The following DIS3L2 variants were observed in gnomAD, a reference collection of about 807,000 sequenced individuals.
DIS3L2 encodes DIS3 like 3'-5' exoribonuclease 2, also known as DIS3-like exonuclease 2.
In DIS3L2, 34 loss-of-function variants were observed where a neutral mutation model predicts 97.5. The ratio of observed to expected loss-of-function variants is 0.35; its 90% confidence interval spans 0.27 to 0.46. DIS3L2 has a LOEUF of 0.46. DIS3L2 is among the 20% of genes least tolerant of loss of function. The pLI is 1.00. For missense variants in DIS3L2, 1,038 were observed against 1,146.0 expected (o/e 0.91, Z 1.36); for synonymous variants, 435 against 445.2 (o/e 0.98, Z 0.29).
chr2:232,302,856 G>A (rs988990531), intron 14 of DIS3L2, among the ~76,000 whole-genome samples: 14 of 151,688 alleles, frequency 9.2e-5, no homozygotes, highest in African/African-American at 3.1e-4. Flanking sequence ...CACCACGCCC[G>A]GCCTGAGCCT....
intron 1 of DIS3L2, among the ~76,000 whole-genome samples, chr2:231,990,138 A>G (rs1693541808): frequency 6.6e-6 from 1 of 151,898 alleles, no homozygotes; most frequent in African/African-American, 2.4e-5. Flanking sequence ...CCAAGTGTGA[A>G]TTCTGACACC....
rs536577024 is a variant in DIS3L2 at position 232,268,602 on chromosome 2, T to G, written c.1659+5162T>G. Among the ~76,000 whole-genome samples, 2 of 152,336 alleles carry G rather than the reference T, an allele frequency of 1.3e-5. 1 individual carries two copies. Among genetic ancestry groups the G allele is most frequent in the South Asian group, 4.1e-4 (2 of 4,824 alleles). On this transcript the variant is annotated intron_variant, in intron 13 of 20. Transcript: ENST00000325385. The surrounding 1 kb of genome is among the most constrained non-coding windows in gnomAD (Gnocchi z 4.1). ...CAACAAAACTTTAAGAACACTGAGA[T>G]TTGAATTTTATATAGTTTTCACACA...
intron 10 of DIS3L2, among the ~76,000 whole-genome samples, chr2:232,213,660 A>AGTT (rs1476589948): frequency 7.8e-5 from 5 of 64,500 alleles, no homozygotes; most frequent in African/African-American, 3.0e-4. Context: ...TATCATCTGT[A>AGTT]GTTTTTTTTT....
intron 9 of DIS3L2, among the ~76,000 whole-genome samples, chr2:232,182,106 A>G (rs564068744): frequency 4.6e-5 from 7 of 152,340 alleles, no homozygotes; most frequent in Non-Finnish European, 1.0e-4. Flanking sequence ...CTTTAGCTAC[A>G]TCCCATAAAT....
At chr2:232,017,687 GTTC>G (rs1694396812) in intron 3 of DIS3L2, among the ~76,000 whole-genome samples, 1 of 152,124 alleles carries the variant, frequency 6.6e-6, no homozygotes, top group Non-Finnish European at 1.5e-5. Flanking sequence ...TCTAAAAACT[GTTC>G]TTCTTGATGT....
chr2:232,141,252 T>G (rs1574905571), intron 8 of DIS3L2, among the ~76,000 whole-genome samples: 1 of 152,120 alleles, frequency 6.6e-6, no homozygotes, highest in East Asian at 1.9e-4. Context: ...AGCGTAGAGA[T>G]AGCATGGTCA....
intron 8 of DIS3L2, among the ~76,000 whole-genome samples, chr2:232,148,556 A>G (rs1203387914): frequency 6.6e-6 from 1 of 152,208 alleles, no homozygotes; most frequent in Non-Finnish European, 1.5e-5. Context: ...TACTACTAAT[A>G]GGAACTTGGA....
At chr2:232,004,948 A>G (rs553008658) in intron 1 of DIS3L2, among the ~76,000 whole-genome samples, 1 of 152,124 alleles carries the variant, frequency 6.6e-6, no homozygotes, top group South Asian at 2.1e-4. Flanking sequence ...CAGTCATTTC[A>G]AGTGTCTTTT....
At chr2:232,197,263 A>G (rs1691779715) in intron 9 of DIS3L2, among the ~76,000 whole-genome samples, 1 of 152,232 alleles carries the variant, frequency 6.6e-6, no homozygotes, top group Non-Finnish European at 1.5e-5. Context: ...TCTCAGATAA[A>G]GTCATATTAA....
At position 232,102,150 on chromosome 2, in the gene DIS3L2, G is replaced by A. The variant is rs554960898; in HGVS notation, c.601+14429G>A. The stretch of plus-strand genomic sequence containing the variant: ...GCATTCATGCTAAAAATGTTTCACC[G>A]GAATCAAGCCTCTAGCCCTAACTTC... On this transcript the variant is annotated intron_variant, in intron 6 of 20. Coordinates refer to ENST00000325385, the MANE Select transcript of DIS3L2 (RefSeq NM_152383.5). Among the ~76,000 whole-genome samples the A allele has an allele frequency of 1.0e-3, 152 of 151,586 alleles. 1 individual carries two copies. Among genetic ancestry groups the A allele is most frequent in the Admixed American group, 1.9e-3 (29 of 15,286 alleles).
At chr2:232,057,885 A>G (rs1484370800) in intron 5 of DIS3L2, among the ~76,000 whole-genome samples, 1 of 152,188 alleles carries the variant, frequency 6.6e-6, no homozygotes, top group Non-Finnish European at 1.5e-5. Flanking sequence ...ATTTTGTAAA[A>G]ATTCATCATA....
rs185324534 is a variant in DIS3L2, at chr2:231,968,270, G to A, written c.-94+6505G>A. On this transcript the variant is annotated intron_variant, in intron 1 of 20. Transcript: ENST00000325385. ...CTGCCACCATGCCCAGCTAATTTTTGTATTTTTAATAGAGACGGGGTTTCA... is the reference window on the plus strand; with the variant it reads ...CTGCCACCATGCCCAGCTAATTTTTATATTTTTAATAGAGACGGGGTTTCA... 3.7e-3 allele frequency among the ~76,000 whole-genome samples: 563 copies of A among 152,102 alleles called. 4 individuals carry two copies. The highest frequency in any genetic ancestry group is 0.013 in the African/African-American group (523 of 41,512).
intron 6 of DIS3L2, among the ~76,000 whole-genome samples, chr2:232,095,946 T>G (rs1696994660): frequency 6.6e-6 from 1 of 152,056 alleles, no homozygotes; most frequent in Non-Finnish European, 1.5e-5. Flanking sequence ...CATTGTATGT[T>G]TGTTTGTTTG....
chr2:232,074,506 G>GT (rs1696126175), intron 5 of DIS3L2, among the ~76,000 whole-genome samples: 1 of 150,658 alleles, frequency 6.6e-6, no homozygotes, highest in African/African-American at 2.4e-5. Flanking sequence ...ATGTAATGTG[G>GT]TTTACTGTCT....
chr2:232,061,707 T>C (rs114517513), intron 5 of DIS3L2, among the ~76,000 whole-genome samples: 3,140 of 152,342 alleles, frequency 0.021, 95 homozygotes, highest in African/African-American at 0.071. Context: ...GCAGTTCATG[T>C]GCAGAGAGCC....
intron 3 of DIS3L2, among the ~76,000 whole-genome samples, chr2:232,022,401 T>C (rs776736545): frequency 6.6e-6 from 1 of 152,182 alleles, no homozygotes; most frequent in Non-Finnish European, 1.5e-5. Flanking sequence ...ATCTTTTCTT[T>C]TAAATAGAGC....
In DIS3L2 at chr2:232,281,782, G is replaced by T. The variant is rs541266131; in HGVS notation, c.1660-18258G>T. Among the ~76,000 whole-genome samples, 1 of 152,266 alleles carries T rather than the reference G, an allele frequency of 6.6e-6. No individual in the cohort carries two copies. Among genetic ancestry groups the T allele is most frequent in the East Asian group, 1.9e-4 (1 of 5,180 alleles). ...GAGACCCTCCAGGCTTGAGGTGCGT[G>T]AGCTGCCCACTTAAAGACGCTTGCC... On this transcript the variant is annotated intron_variant, in intron 13 of 20. Transcript: ENST00000325385. The surrounding 1 kb of genome is among the most constrained non-coding windows in gnomAD (Gnocchi z 4.1).
chr2:232,176,299 A>G (rs1241100267), intron 9 of DIS3L2, among the ~76,000 whole-genome samples: 3 of 152,010 alleles, frequency 2.0e-5, no homozygotes, highest in Non-Finnish European at 4.4e-5. Flanking sequence ...TGTTAGTAAT[A>G]TTTGCTCTTT....
chr2:232,211,199 T>TAGTGGC (rs1692181618), intron 10 of DIS3L2, among the ~76,000 whole-genome samples: 1 of 147,830 alleles, frequency 6.8e-6, no homozygotes, highest in Non-Finnish European at 1.5e-5. Flanking sequence ...GGCTGGAGTG[T>TAGTGGC]AGTGGCATGA....
Sources: allele counts gnomAD v4.1 joint callset (sites outside exome capture counted in the v4.1 genomes callset), GRCh38; gene constraint gnomAD v4.1.1; non-coding constraint Gnocchi (gnomAD v3.1); transcripts MANE v1.5; gene names NCBI Gene and HGNC (gene_info 2026-07-23, HGNC 2026-07-21).